Variants in PCDHGA6 observed in about 807,000 individuals in gnomAD.
The protein encoded by PCDHGA6 is protocadherin gamma-A6.
Under a neutral mutation model 60.6 loss-of-function variants are expected in PCDHGA6, and 41 were observed. That is an observed-to-expected ratio of 0.68 (90% CI 0.53 to 0.88). The LOEUF (loss-of-function observed/expected upper bound fraction) is 0.88, where lower values mean the gene tolerates loss of function less well. Ranked by LOEUF, PCDHGA6 falls within the 40% of genes least tolerant of loss-of-function variation. PCDHGA6 has a pLI of 0.00. For synonymous variants in PCDHGA6, 594 were observed against 524.4 expected, an observed-to-expected ratio of 1.13 and a Z score of -1.81; for missense variants, 1,312 against 1,203.0, an observed-to-expected ratio of 1.09 and a Z score of -1.34.
At chr5:141,462,203 G>T (rs544238255) in intron 1 of PCDHGA6, among the ~76,000 whole-genome samples, 2 of 152,036 alleles carry the variant, frequency 1.3e-5, no homozygotes, top group African/African-American at 4.8e-5. Flanking sequence ...CAGGTGATCC[G>T]CCTGCCTCGG....
intron 1 of PCDHGA6, among the ~76,000 whole-genome samples, chr5:141,446,686 C>T (rs574630887): frequency 1.3e-5 from 2 of 152,294 alleles, no homozygotes; most frequent in African/African-American, 4.8e-5. Context: ...CCATATTGGC[C>T]AGGCTGGTCT....
chr5:141,438,621 TATATATATATATATACACACAC>T (rs2098027070), intron 1 of PCDHGA6, among the ~76,000 whole-genome samples: 1 of 41,368 alleles, frequency 2.4e-5, no homozygotes, highest in Non-Finnish European at 4.0e-5. Flanking sequence ...TATATATATA[TATATATATATATATACACACAC>T]ACACACACAT....
In PCDHGA6 at chr5:141,511,186, G is replaced by T; in HGVS notation, c.*13G>T. On this transcript the variant is annotated 3_prime_UTR_variant, in exon 4 of 4. Transcript: ENST00000517434. ...GGAGAAGAAGTAACATGGAGGCCAG[G>T]CCAAGAGCCACAGGGCGGCCTCTCC... 6.2e-7 allele frequency: 1 copy of T among 1,613,906 alleles called. No individual in the cohort carries two copies. The highest frequency in any genetic ancestry group is 2.2e-5 in the East Asian group (1 of 44,876).
Position 141,421,937 on chromosome 5 carries a change from A to G in PCDHGA6, c.2424+45430A>G, listed in dbSNP as rs375878901. The G allele has an allele frequency of 1.5e-5, 25 of 1,613,402 alleles. No homozygotes were observed. In the African/African-American group the frequency reaches 1.6e-4, roughly 10 times the overall value. ...ATTCGTGTGGTGGTCCTCGATGTAA[A>G]TGATCACATCCCAATGTTTACACAG... On this transcript the variant is annotated intron_variant, in intron 1 of 3. Coordinates refer to ENST00000517434, the MANE Select transcript of PCDHGA6 (RefSeq NM_018919.3).
rs770759647 is a variant in PCDHGA6 at position 141,393,173 on chromosome 5, A to C, written c.2424+16666A>C. 38 of 1,613,150 alleles carry C rather than the reference A, an allele frequency of 2.4e-5. No homozygotes were observed. Among genetic ancestry groups the C allele is most frequent in the Non-Finnish European group, 3.2e-5 (38 of 1,179,886 alleles). ...ATAAAGGAAAACTCTTTGGGGTAGA[A>C]ATAGAAATAATTGATATTAACGATA... On this transcript the variant is annotated intron_variant, in intron 1 of 3. Coordinates refer to ENST00000517434, the MANE Select transcript of PCDHGA6 (RefSeq NM_018919.3).
rs941528168 is a variant in PCDHGA6, at chr5:141,476,433, T to C, written c.2425-18374T>C. 2 of 1,614,094 alleles carry C rather than the reference T, an allele frequency of 1.2e-6. No individual in the cohort carries two copies. The highest frequency in any genetic ancestry group is 2.2e-5 in the East Asian group (1 of 44,856). ...TGTGGGACACTGCCCTCTTGCACTGTAACTCTGGAGTTGGTAGTGGAGAAC... is the reference window on the plus strand; with the variant it reads ...TGTGGGACACTGCCCTCTTGCACTGCAACTCTGGAGTTGGTAGTGGAGAAC... On this transcript the variant is annotated intron_variant, in intron 1 of 3. Coordinates refer to ENST00000517434, the MANE Select transcript of PCDHGA6 (RefSeq NM_018919.3). This position sits in a 1 kb window ranked among gnomAD's most constrained non-coding sequence, Gnocchi z 7.6.
intron 3 of PCDHGA6, among the ~76,000 whole-genome samples, chr5:141,508,579 G>A (rs569867127): frequency 6.6e-6 from 1 of 152,234 alleles, no homozygotes; most frequent in East Asian, 1.9e-4. Flanking sequence ...ACCCACTCGG[G>A]GTGCTACTCA....
chr5:141,379,938 C>G (rs1220422667), intron 1 of PCDHGA6, among the ~76,000 whole-genome samples: 1 of 86,936 alleles, frequency 1.2e-5, no homozygotes, highest in African/African-American at 4.3e-5. Context: ...CTTGCTCTGT[C>G]TCCCAGGCTG....
intron 1 of PCDHGA6, among the ~76,000 whole-genome samples, chr5:141,472,224 A>G (rs570743680): frequency 1.4e-4 from 21 of 152,330 alleles, no homozygotes; most frequent in African/African-American, 4.1e-4. Context: ...TCTCGATCAT[A>G]TAATACATTC....
chr5:141,477,087 C>A lies in PCDHGA6; in HGVS notation c.2425-17720C>A, dbSNP rs748424193. 14 of 1,614,244 alleles carry A rather than the reference C, an allele frequency of 8.7e-6. No individual in the cohort carries two copies. Among genetic ancestry groups the A allele is most frequent in the Non-Finnish European group, 8.5e-7 (1 of 1,180,048 alleles). On this transcript the variant is annotated intron_variant, in intron 1 of 3. Transcript: ENST00000517434. This position sits in a 1 kb window ranked among gnomAD's most constrained non-coding sequence, Gnocchi z 4.9. ...AAACTCCATGAGATTTACATCCAGG[C>A]CAAAGACAAGGGCGCCAATCCCGAA...
chr5:141,404,334 T>G (rs1201635505), intron 1 of PCDHGA6: 2 of 1,613,882 alleles, frequency 1.2e-6, no homozygotes, highest in Non-Finnish European at 1.7e-6. Flanking sequence ...TCAGTCTACC[T>G]CCCGGAAAAC....
intron 1 of PCDHGA6, chr5:141,478,028 G>A (rs2099428840): frequency 6.2e-7 from 1 of 1,614,060 alleles, no homozygotes; most frequent in South Asian, 1.1e-5. Flanking sequence ...CCAAGACACA[G>A]ATTCACCCAG....
At chr5:141,504,135 C>G (rs758903340) in intron 2 of PCDHGA6, among the ~76,000 whole-genome samples, 215 of 152,306 alleles carry the variant, frequency 1.4e-3, no homozygotes, top group Middle Eastern at 3.4e-3. Context: ...CCCGCCAACA[C>G]TCCCCTGCAA....
At chr5:141,494,759 C>G (rs776923097) in intron 1 of PCDHGA6, 48 bp from the exon 2 acceptor site, 2 of 1,613,886 alleles carry the variant, frequency 1.2e-6, no homozygotes, top group Middle Eastern at 1.6e-4. Flanking sequence ...GGGTGACATT[C>G]TAACTTCTCA....
intron 3 of PCDHGA6, among the ~76,000 whole-genome samples, chr5:141,507,571 G>A (rs2099861692): frequency 6.6e-6 from 1 of 152,254 alleles, no homozygotes; most frequent in Non-Finnish European, 1.5e-5. Flanking sequence ...TGGGTCTGAG[G>A]AGATGCCAAG....
At position 141,489,985 on chromosome 5, in the gene PCDHGA6, G is replaced by C. The variant is rs761481986; in HGVS notation, c.2425-4822G>C. ...AACCTTCCAATCCTCAGTTCTACGT[G>C]TGGGAATCCCAGAGAATGCACCCAT... On this transcript the variant is annotated intron_variant, in intron 1 of 3. Coordinates refer to ENST00000517434, the MANE Select transcript of PCDHGA6 (RefSeq NM_018919.3). This position sits in a 1 kb window ranked among gnomAD's most constrained non-coding sequence, Gnocchi z 4.5. 3 of 1,614,212 alleles carry C rather than the reference G, an allele frequency of 1.9e-6. No individual in the cohort carries two copies. The East Asian group carries it at 6.7e-5, about 36-fold the overall frequency.
At position 141,485,336 on chromosome 5, in the gene PCDHGA6, G is replaced by A. The variant is rs755039880; in HGVS notation, c.2425-9471G>A. Reference sequence around the variant, plus strand: ...GAATGTCGCTCAAGATTTCCTGCTGGATACGGACAGTCTGTCAGCTCGCAG... The same window carrying A: ...GAATGTCGCTCAAGATTTCCTGCTGAATACGGACAGTCTGTCAGCTCGCAG... On this transcript the variant is annotated intron_variant, in intron 1 of 3. Transcript: ENST00000517434. The surrounding 1 kb of genome is among the most constrained non-coding windows in gnomAD (Gnocchi z 5.7). 3 of 1,614,176 alleles carry A rather than the reference G, an allele frequency of 1.9e-6. No homozygotes were observed. In the South Asian group the frequency reaches 3.3e-5, roughly 18 times the overall value.
chr5:141,376,214 C>T lies in PCDHGA6; in HGVS notation c.2131C>T (p.Leu711=). 1 of 1,614,204 alleles carries T rather than the reference C, an allele frequency of 6.2e-7. No individual in the cohort carries two copies. The highest frequency in any genetic ancestry group is 8.5e-7 in the Non-Finnish European group (1 of 1,180,040). Residue 711 remains leucine (L), a synonymous_variant, in exon 1 of 4, where the codon CTG becomes TTG. Coordinates refer to ENST00000517434, the MANE Select transcript of PCDHGA6 (RefSeq NM_018919.3). ...CGTCTTCCTGGCCTTCGTCATCGTG[C>T]TGCTGGCGCTCAGACTGCAGCGCTG... is the stretch of plus-strand genomic sequence containing the variant. ...SCVFLAFVIV[L]LALRLQRWHK... is the part of the protein sequence containing the mutation.
rs202040451 is a variant in PCDHGA6, at chr5:141,382,987, C to A, written c.2424+6480C>A. The A allele has an allele frequency of 1.5e-4, 247 of 1,613,278 alleles. 1 individual carries two copies. The East Asian group carries it at 4.5e-3, about 30-fold the overall frequency. On this transcript the variant is annotated intron_variant, in intron 1 of 3. Transcript: ENST00000517434. ...GACCCCCTGGGAAGCCTGGGCAGGA[C>A]GTATTCTCTACTCCGTGTCGGAGGA...
Sources: gnomAD v4.1 joint callset for allele counts (sites outside exome capture counted in the v4.1 genomes callset) on GRCh38, gnomAD v4.1.1 for gene constraint, Gnocchi (gnomAD v3.1) non-coding constraint, MANE v1.5 for transcripts, NCBI Gene and HGNC (gene_info 2026-07-23, HGNC 2026-07-21) for gene names.